Variants in PPFIA2 observed in about 807,000 individuals in gnomAD.
The protein encoded by PPFIA2 is liprin-alpha-2.
Under a neutral mutation model 175.5 loss-of-function variants are expected in PPFIA2, and 46 were observed. The ratio of observed to expected loss-of-function variants is 0.26; its 90% CI spans 0.21 to 0.34. The LOEUF (loss-of-function observed/expected upper bound fraction) is 0.34, where lower values mean the gene tolerates loss of function less well. Among genes scored for constraint, PPFIA2 ranks in the 10% least tolerant of loss-of-function variants. The pLI is 1.00. For synonymous variants in PPFIA2, 568 were observed against 511.4 expected (o/e 1.11, Z -1.49); for missense variants, 1,179 against 1,506.1 (o/e 0.78, Z 3.60).
chr12:81,505,183 A>G (rs999493256), intron 4 of PPFIA2, among the ~76,000 whole-genome samples: 7 of 151,994 alleles, frequency 4.6e-5, no homozygotes, highest in African/African-American at 1.4e-4. Flanking sequence ...GGTTTAAGAG[A>G]AACATGCAGC....
intron 4 of PPFIA2, among the ~76,000 whole-genome samples, chr12:81,675,276 T>C (rs1419044189): frequency 6.6e-6 from 1 of 151,944 alleles, no homozygotes; most frequent in African/African-American, 2.4e-5. Context: ...TATTCACTTT[T>C]ATTTATTGGG....
intron 3 of PPFIA2, among the ~76,000 whole-genome samples, chr12:81,732,514 A>T (rs748479872): frequency 0.089 from 3,035 of 34,090 alleles, 43 homozygotes; most frequent in Middle Eastern, 0.17. Flanking sequence ...GTTTTTTTTT[A>T]AAAAAAAAAA....
intron 19 of PPFIA2, among the ~76,000 whole-genome samples, chr12:81,342,974 AT>A (rs1392317209): frequency 6.6e-6 from 1 of 150,764 alleles, no homozygotes; most frequent in Non-Finnish European, 1.5e-5. Context: ...AATAATAATA[AT>A]AATAAATCAT....
intron 21 of PPFIA2, among the ~76,000 whole-genome samples, chr12:81,337,333 T>G (rs565856646): frequency 5.9e-5 from 9 of 152,262 alleles, no homozygotes; most frequent in African/African-American, 2.2e-4. Context: ...GCAATATTAC[T>G]CAGAGCTCAG....
chr12:81,265,718 G>A (rs965667089), intron 30 of PPFIA2, among the ~76,000 whole-genome samples: 3 of 152,132 alleles, frequency 2.0e-5, no homozygotes, highest in African/African-American at 7.2e-5. Flanking sequence ...TCGTTTAATT[G>A]GCTCAATAGA....
intron 28 of PPFIA2, among the ~76,000 whole-genome samples, chr12:81,272,651 C>T (rs1054959579): frequency 6.6e-6 from 1 of 152,026 alleles, no homozygotes; most frequent in Non-Finnish European, 1.5e-5. Context: ...ATTTTATCAT[C>T]GTGGTTTTCC....
At chr12:81,734,157 G>A (rs1250352279) in intron 3 of PPFIA2, among the ~76,000 whole-genome samples, 2 of 151,786 alleles carry the variant, frequency 1.3e-5, no homozygotes, top group Non-Finnish European at 2.9e-5. Context: ...TGGTGAAAGT[G>A]ATAGGTGCTG....
intron 4 of PPFIA2, among the ~76,000 whole-genome samples, chr12:81,583,478 G>C (rs1279208215): frequency 2.0e-5 from 3 of 151,602 alleles, no homozygotes; most frequent in Non-Finnish European, 4.4e-5. Flanking sequence ...GTAAAGATCA[G>C]AGAAAATACA....
At chr12:81,405,949 A>C (rs1224879687) in intron 7 of PPFIA2, 46 bp from the exon 8 acceptor site, 4 of 1,086,948 alleles carry the variant, frequency 3.7e-6, no homozygotes, top group Admixed American at 2.5e-5. Context: ...ATAGGGAATA[A>C]AATATAAAAA....
intron 7 of PPFIA2, among the ~76,000 whole-genome samples, chr12:81,414,117 T>C (rs1410083099): frequency 6.6e-6 from 1 of 151,772 alleles, no homozygotes; most frequent in Non-Finnish European, 1.5e-5. Flanking sequence ...CTTGAAGTCA[T>C]ACAGAAAAAG....
chr12:81,531,579 T>C (rs1567209821), intron 4 of PPFIA2, among the ~76,000 whole-genome samples: 1 of 151,576 alleles, frequency 6.6e-6, no homozygotes, highest in Non-Finnish European at 1.5e-5. Context: ...AAGAGAATGA[T>C]GATAATTAAT....
At chr12:81,450,703 A>G (rs921848739) in intron 5 of PPFIA2, among the ~76,000 whole-genome samples, 1 of 152,114 alleles carries the variant, frequency 6.6e-6, no homozygotes, top group African/African-American at 2.4e-5. Flanking sequence ...TTTAGACATG[A>G]AGTCCTATCA....
chr12:81,522,030 A>C (rs2063219388), intron 4 of PPFIA2, among the ~76,000 whole-genome samples: 1 of 152,208 alleles, frequency 6.6e-6, no homozygotes. Flanking sequence ...GAATCAAATA[A>C]AATATTTGAA....
intron 4 of PPFIA2, among the ~76,000 whole-genome samples, chr12:81,620,450 G>A (rs1167546869): frequency 6.6e-6 from 1 of 151,810 alleles, no homozygotes; most frequent in South Asian, 2.1e-4. Flanking sequence ...TTGTATTTTG[G>A]TAATTAAACT....
chr12:81,348,573 TA>T, intron 17 of PPFIA2, among the ~76,000 whole-genome samples: 1 of 151,992 alleles, frequency 6.6e-6, no homozygotes, highest in East Asian at 1.9e-4. Flanking sequence ...CCGTCTCTAC[TA>T]AAAATACAAA....
At chr12:81,261,413 C>T (rs934578117) in intron 32 of PPFIA2, among the ~76,000 whole-genome samples, 4 of 152,052 alleles carry the variant, frequency 2.6e-5, no homozygotes, top group East Asian at 1.9e-4. Flanking sequence ...GATGAGGTTT[C>T]ACCATGTTGG....
chr12:81,501,049 G>T (rs1484713758), intron 4 of PPFIA2, among the ~76,000 whole-genome samples: 1 of 152,160 alleles, frequency 6.6e-6, no homozygotes, highest in Non-Finnish European at 1.5e-5. Context: ...CCTACTGTTA[G>T]CACTCTGCTC....
intron 4 of PPFIA2, among the ~76,000 whole-genome samples, chr12:81,519,220 C>T (rs975584547): frequency 4.6e-5 from 7 of 152,122 alleles, no homozygotes. Context: ...TTACATTGGT[C>T]CATTAAAATA....
intron 4 of PPFIA2, among the ~76,000 whole-genome samples, chr12:81,550,943 G>T (rs1031616830): frequency 6.6e-6 from 1 of 151,914 alleles, no homozygotes; most frequent in Non-Finnish European, 1.5e-5. Flanking sequence ...AAGAATTCAA[G>T]AAGGAGGGAG....
Sources: allele counts gnomAD v4.1 joint callset (sites outside exome capture counted in the v4.1 genomes callset), GRCh38; gene constraint gnomAD v4.1.1; transcripts MANE v1.5; gene names NCBI Gene and HGNC (gene_info 2026-07-23, HGNC 2026-07-21).